KIFAP3: variants seen among roughly 807,000 people sequenced by gnomAD.
KIFAP3 encodes the protein kinesin-associated protein 3.
Under a neutral mutation model 106.5 loss-of-function variants are expected in KIFAP3, and 68 were observed. That is an observed-to-expected ratio of 0.64 (90% CI 0.53 to 0.78). The LOEUF (loss-of-function observed/expected upper bound fraction) is 0.78. Ranked by LOEUF, KIFAP3 falls within the 30% of genes least tolerant of loss-of-function variation. KIFAP3 has a pLI of 0.00. For missense variants in KIFAP3, 780 were observed against 941.8 expected (o/e 0.83, Z 2.25); for synonymous variants, 320 against 311.5 (o/e 1.03, Z -0.29).
chr1:170,000,285 GTCT>G (rs1266517125), intron 10 of KIFAP3, among the ~76,000 whole-genome samples: 2 of 152,112 alleles, frequency 1.3e-5, no homozygotes, highest in Admixed American at 6.6e-5. Flanking sequence ...TATACTCTAT[GTCT>G]TCTTCTTTCA....
intron 2 of KIFAP3, 97 bp from the exon 3 acceptor site, chr1:170,046,963 G>A (rs1226678157): frequency 6.1e-6 from 4 of 658,032 alleles, no homozygotes; most frequent in Non-Finnish European, 6.7e-6. Flanking sequence ...AATTATTATA[G>A]AGAACCTGGC....
chr1:170,026,982 C>T (rs904669518), intron 8 of KIFAP3, among the ~76,000 whole-genome samples: 1 of 150,768 alleles, frequency 6.6e-6, no homozygotes, highest in South Asian at 2.1e-4. Flanking sequence ...AAAAAGTCCA[C>T]CTACAACAAT....
intron 19 of KIFAP3, among the ~76,000 whole-genome samples, chr1:169,935,857 GAC>G (rs1456566134): frequency 6.6e-6 from 1 of 151,932 alleles, no homozygotes; most frequent in East Asian, 1.9e-4. Flanking sequence ...TAAATTATAT[GAC>G]AGAGTCCCAT....
rs567272788 is a variant in KIFAP3 at position 169,992,939 on chromosome 1, T to C, written c.1184-684A>G. On this transcript the variant is annotated intron_variant, in intron 10 of 19. Coordinates refer to ENST00000361580, the MANE Select transcript of KIFAP3 (RefSeq NM_014970.4). ...ACATATTTTAAGGACCTACTTACAA[T>C]CTCAAAGTCAGTGATAAAACTAGAG... 1.1e-4 allele frequency among the ~76,000 whole-genome samples: 17 copies of C among 152,142 alleles called. 1 individual carries two copies. The highest frequency in any genetic ancestry group is 3.9e-4 in the African/African-American group (16 of 41,530).
intron 9 of KIFAP3, among the ~76,000 whole-genome samples, chr1:170,022,949 T>C (rs1451245679): frequency 1.3e-5 from 2 of 152,094 alleles, no homozygotes; most frequent in African/African-American, 2.4e-5. Context: ...ACAAATCACT[T>C]TGAATTTTGA....
rs1669216353 is a variant in KIFAP3, at chr1:170,028,200, AT to A, written c.842-3605del. Among the ~76,000 whole-genome samples the A allele has an allele frequency of 2.0e-5, 3 of 152,298 alleles. No homozygotes were observed. In the South Asian group the frequency reaches 6.2e-4, roughly 32 times the overall value. ...AAAATGACAGCACACAGAAATATGG[AT>A]CTACACAAAGGAATAATATCAATGG... On this transcript the variant is annotated intron_variant, in intron 8 of 19. Transcript: ENST00000361580.
chr1:170,057,577 G>C (rs1670914496), intron 1 of KIFAP3, among the ~76,000 whole-genome samples: 1 of 146,056 alleles, frequency 6.8e-6, no homozygotes, highest in African/African-American at 2.5e-5. Context: ...TATACAAAGA[G>C]AGAATGACAG....
intron 1 of KIFAP3, among the ~76,000 whole-genome samples, chr1:170,057,365 T>C (rs1292215817): frequency 6.6e-6 from 1 of 152,148 alleles, no homozygotes; most frequent in Non-Finnish European, 1.5e-5. Context: ...TTTTTAGTTT[T>C]TGTTTGCCTT....
At chr1:170,062,787 C>T (rs542745500) in intron 1 of KIFAP3, among the ~76,000 whole-genome samples, 1 of 152,000 alleles carries the variant, frequency 6.6e-6, no homozygotes, top group South Asian at 2.1e-4. Context: ...TGAAATCATG[C>T]CTATTCTTAT....
intron 19 of KIFAP3, among the ~76,000 whole-genome samples, chr1:169,953,008 T>C (rs1664809721): frequency 6.6e-6 from 1 of 152,076 alleles, no homozygotes; most frequent in Non-Finnish European, 1.5e-5. Flanking sequence ...AAAAAATTAA[T>C]AATTTAATGA....
chr1:169,961,577 C>T (rs1665334902), intron 17 of KIFAP3, among the ~76,000 whole-genome samples: 1 of 151,966 alleles, frequency 6.6e-6, no homozygotes, highest in East Asian at 1.9e-4. Context: ...TAAAGTTGAC[C>T]TTAGAACAAA....
intron 19 of KIFAP3, among the ~76,000 whole-genome samples, chr1:169,931,899 T>C (rs1367189310): frequency 6.6e-6 from 1 of 152,186 alleles, no homozygotes; most frequent in African/African-American, 2.4e-5. Context: ...CTGGTTCATT[T>C]TGAGACTCTT....
intron 7 of KIFAP3, 69 bp from the exon 8 acceptor site, chr1:170,032,053 C>T (rs1410498511): frequency 1.2e-6 from 1 of 834,594 alleles, no homozygotes; most frequent in Non-Finnish European, 2.0e-6. Flanking sequence ...ATTCTATGAA[C>T]AATGGCACTA....
chr1:170,046,064 C>T (rs80351894), intron 3 of KIFAP3, among the ~76,000 whole-genome samples: 1,633 of 151,956 alleles, frequency 0.011, 32 homozygotes, highest in African/African-American at 0.037. Flanking sequence ...CTTCACCTTA[C>T]ACTCTGACCA....
At chr1:170,037,059 C>T (rs919925752) in intron 5 of KIFAP3, among the ~76,000 whole-genome samples, 2 of 152,096 alleles carry the variant, frequency 1.3e-5, no homozygotes, top group African/African-American at 2.4e-5. Context: ...CCTACATATT[C>T]TAAAGTTCAA....
chr1:170,066,160 A>G (rs917222760), intron 1 of KIFAP3, among the ~76,000 whole-genome samples: 15 of 126,202 alleles, frequency 1.2e-4, no homozygotes, highest in African/African-American at 3.9e-4. Flanking sequence ...CACAAATTGC[A>G]GGTCTATTGC....
rs150481620 is a variant in KIFAP3, at chr1:169,929,969, G to A, written c.2274-8188C>T. 7.4e-3 allele frequency among the ~76,000 whole-genome samples: 1,122 copies of A among 152,218 alleles called. 10 individuals are homozygous for A. The highest frequency in any genetic ancestry group is 0.026 in the South Asian group (126 of 4,830). On this transcript the variant is annotated intron_variant, in intron 19 of 19. Coordinates refer to ENST00000361580, the MANE Select transcript of KIFAP3 (RefSeq NM_014970.4). ...TGTACTAATGATGAAGGGAACGTGT[G>A]TAAAATAGTTGCACTGATTTATTCT...
At chr1:170,054,721 ACAC>A (rs1330733995) in intron 2 of KIFAP3, among the ~76,000 whole-genome samples, 1 of 152,104 alleles carries the variant, frequency 6.6e-6, no homozygotes, top group Non-Finnish European at 1.5e-5. Context: ...AGAAAACCAA[ACAC>A]CACATGTTCT....
intron 10 of KIFAP3, among the ~76,000 whole-genome samples, chr1:170,003,757 T>C (rs1445083312): frequency 6.6e-6 from 1 of 152,348 alleles, no homozygotes; most frequent in East Asian, 1.9e-4. Context: ...AATATCATAC[T>C]GAATGGACAA....
Sources: allele counts gnomAD v4.1 joint callset (sites outside exome capture counted in the v4.1 genomes callset), GRCh38; gene constraint gnomAD v4.1.1; transcripts MANE v1.5; gene names NCBI Gene and HGNC (gene_info 2026-07-23, HGNC 2026-07-21).